The following ABCA13 variants were observed in gnomAD, a reference collection of about 807,000 sequenced individuals.
ABCA13 encodes ATP-binding cassette sub-family A member 13.
Under a neutral mutation model 478.7 loss-of-function variants are expected in ABCA13, and 476 were observed. That is an observed-to-expected ratio of 0.99 (90% CI 0.92 to 1.07). ABCA13 has a LOEUF of 1.07. ABCA13 is among the 50% of genes least tolerant of loss of function. The pLI, the probability that ABCA13 is intolerant of heterozygous loss-of-function variation, is 0.00. For missense variants in ABCA13, 6,060 were observed against 5,910.6 expected (o/e 1.03, Z -0.83); for synonymous variants, 2,252 against 2,158.9 (o/e 1.04, Z -1.20).
At chr7:48,415,365 T>C (rs942154624) in intron 41 of ABCA13, among the ~76,000 whole-genome samples, 8 of 152,188 alleles carry the variant, frequency 5.3e-5, no homozygotes, top group African/African-American at 1.9e-4. Context: ...CCCAGACTTC[T>C]TATGTTCATG....
rs552361678 is a variant in ABCA13 at position 48,321,933 on chromosome 7, C to T, written c.9999+4637C>T. ...ACCCCTGACTGTCACCAGGCTGCCCCTGGAGAACATCAGGGGGTTTGAGCA... is the reference window on the plus strand; with the variant it reads ...ACCCCTGACTGTCACCAGGCTGCCCTTGGAGAACATCAGGGGGTTTGAGCA... On this transcript the variant is annotated intron_variant, in intron 27 of 61. Transcript: ENST00000435803. Among the ~76,000 whole-genome samples the T allele has an allele frequency of 9.2e-5, 14 of 152,282 alleles. No homozygotes were observed. In the East Asian group the frequency reaches 2.5e-3, roughly 27 times the overall value.
chr7:48,453,248 TTTC>T (rs1470957985), intron 42 of ABCA13, among the ~76,000 whole-genome samples: 1 of 147,762 alleles, frequency 6.8e-6, no homozygotes, highest in Admixed American at 6.8e-5. Context: ...TTTTTTTTTT[TTTC>T]TGAGATAGGG....
intron 48 of ABCA13, among the ~76,000 whole-genome samples, chr7:48,494,198 A>G (rs1395266799): frequency 1.3e-5 from 2 of 152,218 alleles, no homozygotes; most frequent in African/African-American, 4.8e-5. Flanking sequence ...ATGATGGGAC[A>G]GAGATGAAAT....
At chr7:48,516,519 A>T (rs922879168) in intron 51 of ABCA13, among the ~76,000 whole-genome samples, 1 of 152,078 alleles carries the variant, frequency 6.6e-6, no homozygotes, top group Admixed American at 6.6e-5. Flanking sequence ...TATACTACTC[A>T]TTGTTCTTAA....
At position 48,643,432 on chromosome 7, in the gene ABCA13, TA is replaced by T. The variant is rs536321367; in HGVS notation, c.14943+48del. On this transcript the variant is annotated intron_variant, in intron 60 of 61. Transcript: ENST00000435803. ...CTTGTATTATTTCTTTGTTTTCAGCTAAAAAAAAATAATAAATGTACCTGTC... is the reference window on the plus strand; with the variant it reads ...CTTGTATTATTTCTTTGTTTTCAGCTAAAAAAAATAATAAATGTACCTGTC... 3,093 of 1,379,384 alleles carry T rather than the reference TA, an allele frequency of 2.2e-3. 1 individual carries two copies. The highest frequency in any genetic ancestry group is 2.7e-3 in the South Asian group (208 of 77,394). 85.4% of individuals were successfully genotyped at this position (1,379,384 alleles called of 1,614,324 possible).
chr7:48,322,213 C>T (rs1050576745), intron 27 of ABCA13, among the ~76,000 whole-genome samples: 5 of 152,186 alleles, frequency 3.3e-5, no homozygotes, highest in African/African-American at 1.2e-4. Context: ...AATGGCAGCC[C>T]TACGTTGGGA....
rs947448521 is a variant in ABCA13, at chr7:48,277,711, C to G, written c.6900-383C>G. Among the ~76,000 whole-genome samples the G allele has an allele frequency of 3.3e-5, 5 of 152,306 alleles. No homozygotes were observed. In the East Asian group the frequency reaches 9.6e-4, roughly 29 times the overall value. On this transcript the variant is annotated intron_variant, in intron 17 of 61. Coordinates refer to ENST00000435803, the MANE Select transcript of ABCA13 (RefSeq NM_152701.5). ...GCAATTTGCTAGTACTTCTAAAGCTCAGAAAAATATAAATATGCTAACCAC... is the reference window on the plus strand; with the variant it reads ...GCAATTTGCTAGTACTTCTAAAGCTGAGAAAAATATAAATATGCTAACCAC...
At chr7:48,171,635 C>A in intron 1 of ABCA13, 83 bp downstream of exon 1, 1 of 1,427,274 alleles carries the variant, frequency 7.0e-7, no homozygotes, top group Non-Finnish European at 9.5e-7. Flanking sequence ...CCTGCCTCTG[C>A]CTCCTGGCAG....
chr7:48,279,750 C>T lies in ABCA13; in HGVS notation c.8556C>T (p.Phe2852=), dbSNP rs953636611. Residue 2852 remains phenylalanine, a synonymous_variant, in exon 18 of 62, where the codon TTC becomes TTT. Coordinates refer to ENST00000435803, the MANE Select transcript of ABCA13 (RefSeq NM_152701.5). ...RTLFQPLFEI[F]IKATTGKNVT... Reference sequence around the variant, plus strand: ...TGTTTCAGCCACTTTTTGAGATTTTCATTAAAGCAACCACCGGAAAGAATG... The same window carrying T: ...TGTTTCAGCCACTTTTTGAGATTTTTATTAAAGCAACCACCGGAAAGAATG... 1 of 1,612,452 alleles carries T rather than the reference C, an allele frequency of 6.2e-7. No homozygotes were observed. Among genetic ancestry groups the T allele is most frequent in the Non-Finnish European group, 8.5e-7 (1 of 1,179,494 alleles).
At chr7:48,588,503 T>C (rs890798886) in intron 57 of ABCA13, among the ~76,000 whole-genome samples, 3 of 152,188 alleles carry the variant, frequency 2.0e-5, no homozygotes, top group African/African-American at 7.2e-5. Flanking sequence ...TGCTCTCAGC[T>C]TTCCTTGGAT....
chr7:48,528,768 T>C (rs1023651396), intron 55 of ABCA13, among the ~76,000 whole-genome samples: 3 of 152,116 alleles, frequency 2.0e-5, no homozygotes, highest in Non-Finnish European at 4.4e-5. Flanking sequence ...AGACTTCCTC[T>C]TTCAGGTGGT....
intron 55 of ABCA13, among the ~76,000 whole-genome samples, chr7:48,559,700 G>A (rs1224504505): frequency 2.0e-5 from 3 of 152,146 alleles, no homozygotes; most frequent in Non-Finnish European, 4.4e-5. Context: ...TATTACCTGG[G>A]TATCACTGCC....
At position 48,288,019 on chromosome 7, in the gene ABCA13, A is replaced by T; in HGVS notation, c.8896A>T (p.Ile2966Leu). 1 of 1,614,030 alleles carries T rather than the reference A, an allele frequency of 6.2e-7. No homozygotes were observed. The highest frequency in any genetic ancestry group is 8.5e-7 in the Non-Finnish European group (1 of 1,179,898). ...CATLSCKQNG[I>L]RHLILSAIQG... The stretch of plus-strand genomic sequence containing the variant: ...TACTCTGAGTTGCAAGCAAAATGGG[A>T]TAAGGCATCTCATTTTATCTGCTAT... The change falls in exon 20 of 62, where the codon ATA becomes TTA. Residue 2966 changes from isoleucine (I) to leucine (L), a missense_variant. This residue lies in a region of ABCA13 where 4,423 missense variants were observed against 4,309.1 expected (regional missense o/e 1.03). Transcript: ENST00000435803.
Position 48,427,789 on chromosome 7 carries a change from T to C in ABCA13, c.12483T>C (p.Asp4161=), listed in dbSNP as rs377644926. 1.9e-4 allele frequency: 299 copies of C among 1,613,320 alleles called. No homozygotes were observed. Among genetic ancestry groups the C allele is most frequent in the Non-Finnish European group, 2.2e-4 (257 of 1,179,574 alleles). The change falls in exon 42 of 62, where the codon GAT becomes GAC. Residue 4161 remains aspartate, a synonymous_variant. Transcript: ENST00000435803. ...AGGTGTTTTTGATGCTTTTGCAAGA[T>C]TCCAACAAGAAATCTCACATTGCCC... ...LEEVFLMLLQ[D]SNKKSHIALG...
At chr7:48,484,063 C>T (rs1243182301) in intron 47 of ABCA13, among the ~76,000 whole-genome samples, 3 of 152,164 alleles carry the variant, frequency 2.0e-5, no homozygotes, top group Non-Finnish European at 2.9e-5. Context: ...TCTCTCTCTT[C>T]TGTAGTGGGG....
chr7:48,312,890 C>A (rs967346820), intron 24 of ABCA13, among the ~76,000 whole-genome samples, 177 bp from the exon 25 acceptor site: 1 of 152,248 alleles, frequency 6.6e-6, no homozygotes, highest in African/African-American at 2.4e-5. Flanking sequence ...CTCCAAAACA[C>A]ATGAGCTATA....
chr7:48,184,330 GT>G (rs1200634643), intron 1 of ABCA13, among the ~76,000 whole-genome samples: 1 of 152,128 alleles, frequency 6.6e-6, no homozygotes, highest in African/African-American at 2.4e-5. Flanking sequence ...TGCATTATCA[GT>G]TATACATGTT....
chr7:48,190,159 A>G (rs988760952), intron 1 of ABCA13, among the ~76,000 whole-genome samples: 1 of 152,220 alleles, frequency 6.6e-6, no homozygotes, highest in Non-Finnish European at 1.5e-5. Context: ...CATTTTCACT[A>G]CATCTATCCA....
intron 15 of ABCA13, among the ~76,000 whole-genome samples, chr7:48,265,134 C>G (rs1347515703): frequency 1.3e-5 from 2 of 151,574 alleles, no homozygotes; most frequent in African/African-American, 4.8e-5. Context: ...TATTTTATCC[C>G]AGTGTTCTAT....
Sources: allele counts gnomAD v4.1 joint callset (sites outside exome capture counted in the v4.1 genomes callset), GRCh38; gene constraint gnomAD v4.1.1; regional missense constraint gnomAD v4.1.1; transcripts MANE v1.5; gene names NCBI Gene and HGNC (gene_info 2026-07-23, HGNC 2026-07-21).